The following PIK3C2A variants were observed in gnomAD, a reference collection of about 807,000 sequenced individuals.
PIK3C2A encodes the protein phosphatidylinositol 4-phosphate 3-kinase C2 domain-containing subunit alpha.
In PIK3C2A, 97 loss-of-function variants were observed where a neutral mutation model predicts 204.5. That is an observed-to-expected ratio of 0.47 (90% CI 0.40 to 0.56). PIK3C2A has a LOEUF of 0.56. Among genes scored for constraint, PIK3C2A ranks in the 20% least tolerant of loss-of-function variants. PIK3C2A has a pLI of 0.00. For missense variants in PIK3C2A, 1,735 were observed against 1,969.2 expected (o/e 0.88, Z 2.25); for synonymous variants, 653 against 664.4 (o/e 0.98, Z 0.26).
chr11:17,161,335 T>C (rs1378291694), intron 2 of PIK3C2A, among the ~76,000 whole-genome samples: 1 of 152,222 alleles, frequency 6.6e-6, no homozygotes, highest in Non-Finnish European at 1.5e-5. Flanking sequence ...AGTCAGACTA[T>C]GAAAATCACA....
intron 1 of PIK3C2A, among the ~76,000 whole-genome samples, chr11:17,186,910 C>T (rs1424713930): frequency 1.3e-5 from 2 of 152,154 alleles, no homozygotes; most frequent in African/African-American, 4.8e-5. Flanking sequence ...AAAACCCCAT[C>T]TCTATTAAAA....
intron 8 of PIK3C2A, among the ~76,000 whole-genome samples, chr11:17,141,725 T>A (rs570921492): frequency 1.3e-5 from 2 of 152,314 alleles, no homozygotes; most frequent in African/African-American, 4.8e-5. Context: ...CAAAAGATCA[T>A]TTTGGTTGCC....
At chr11:17,168,265 A>C (rs1174760673) in intron 2 of PIK3C2A, among the ~76,000 whole-genome samples, 1 of 152,210 alleles carries the variant, frequency 6.6e-6, no homozygotes, top group Non-Finnish European at 1.5e-5. Context: ...ACAAAATTCA[A>C]AGTGAAAAAT....
chr11:17,130,750 T>G (rs1301448232), intron 12 of PIK3C2A, among the ~76,000 whole-genome samples: 2 of 137,614 alleles, frequency 1.5e-5, no homozygotes, highest in Non-Finnish European at 3.0e-5. Flanking sequence ...GAGGTTACAG[T>G]GGGCCAAGAT....
At position 17,104,977 on chromosome 11, in the gene PIK3C2A, T is replaced by C. The variant is rs17847724; in HGVS notation, c.3681+192A>G. Among the ~76,000 whole-genome samples the C allele has an allele frequency of 1.0e-3, 158 of 152,256 alleles. 4 individuals carry two copies. In the East Asian group the frequency reaches 0.026, roughly 25 times the overall value. ...AAATTTTTGGGGGTGTAATTTAGCA[T>C]TGGTTTCACTCAGATTCCTGCCATT... On this transcript the variant is annotated intron_variant, in intron 23 of 32. Coordinates refer to ENST00000691414, the MANE Select transcript of PIK3C2A (RefSeq NM_002645.4).
intron 4 of PIK3C2A, among the ~76,000 whole-genome samples, chr11:17,149,692 G>T (rs561565829): frequency 6.6e-6 from 1 of 151,904 alleles, no homozygotes; most frequent in Admixed American, 6.6e-5. Flanking sequence ...CTGCCTGGGT[G>T]GCAGAGTGAG....
At chr11:17,103,433 G>A (rs1409550250) in intron 23 of PIK3C2A, among the ~76,000 whole-genome samples, 1 of 152,064 alleles carries the variant, frequency 6.6e-6, no homozygotes, top group Non-Finnish European at 1.5e-5. Context: ...TTAATCTAAA[G>A]CATGTGTATT....
chr11:17,127,587 G>A (rs962821896), intron 13 of PIK3C2A, among the ~76,000 whole-genome samples: 2 of 152,148 alleles, frequency 1.3e-5, no homozygotes, highest in African/African-American at 2.4e-5. Context: ...GGGATTACAG[G>A]TGTGAGCCAC....
At chr11:17,152,351 GGTTT>G (rs1850448650) in intron 3 of PIK3C2A, among the ~76,000 whole-genome samples, 1 of 151,842 alleles carries the variant, frequency 6.6e-6, no homozygotes, top group African/African-American at 2.4e-5. Context: ...TCTAATCCAT[GGTTT>G]GTTTGCTTTA....
At chr11:17,170,694 C>A (rs547858785) in intron 1 of PIK3C2A, among the ~76,000 whole-genome samples, 3 of 152,194 alleles carry the variant, frequency 2.0e-5, no homozygotes, top group Admixed American at 2.0e-4. Flanking sequence ...TGAAGCAATA[C>A]GACCAACTGA....
intron 8 of PIK3C2A, among the ~76,000 whole-genome samples, chr11:17,142,737 C>T (rs1427332075): frequency 6.6e-6 from 1 of 152,064 alleles, no homozygotes; most frequent in African/African-American, 2.4e-5. Flanking sequence ...TCCATCGATC[C>T]ATCCATCAAC....
chr11:17,165,887 C>T (rs1303308949), intron 2 of PIK3C2A, among the ~76,000 whole-genome samples: 1 of 151,336 alleles, frequency 6.6e-6, no homozygotes, highest in East Asian at 1.9e-4. Flanking sequence ...CTCTCCTTGA[C>T]CTCCAACTTG....
At chr11:17,193,872 GAAAAGAAAA>G (rs1852035045) in intron 1 of PIK3C2A, 1 of 168,710 alleles carries the variant, frequency 5.9e-6, no homozygotes, top group Non-Finnish European at 1.1e-5. Flanking sequence ...GAAAAGAAAA[GAAAAGAAAA>G]GAAAAGAAAA....
At position 17,106,019 on chromosome 11, in the gene PIK3C2A, G is replaced by A. The variant is rs190993952; in HGVS notation, c.3545-714C>T. On this transcript the variant is annotated intron_variant, in intron 22 of 32. Transcript: ENST00000691414. ...AGCTACTCAGGAGGCTGAGGCAGGA[G>A]AATCCCTTGAACCCAGGAGGCAGAG... 2.4e-4 allele frequency among the ~76,000 whole-genome samples: 37 copies of A among 151,964 alleles called. 1 individual carries two copies. Among genetic ancestry groups the A allele is most frequent in the East Asian group, 2.3e-3 (12 of 5,172 alleles).
intron 8 of PIK3C2A, among the ~76,000 whole-genome samples, chr11:17,144,777 T>C (rs1332046720): frequency 6.6e-6 from 1 of 150,540 alleles, no homozygotes; most frequent in Non-Finnish European, 1.5e-5. Context: ...ATGCCTCTAA[T>C]CCCAGCTACT....
At position 17,105,298 on chromosome 11, in the gene PIK3C2A, C is replaced by T; in HGVS notation, c.3552G>A (p.Val1184=). Residue 1184 remains valine (V), a synonymous_variant, in exon 23 of 33, where the codon GTG becomes GTA. Transcript: ENST00000691414. ...CLSTGRDRGM[V]ELVPASDTLR... is the part of the protein sequence containing the mutation. ...GGGTATCGGAAGCAGGAACCAGCTC[C>T]ACCATGCCTTTAATGATAAAATATT... The T allele has an allele frequency of 6.2e-7, 1 of 1,607,516 alleles. No individual in the cohort carries two copies. Among genetic ancestry groups the T allele is most frequent in the South Asian group, 1.1e-5 (1 of 89,764 alleles).
intron 1 of PIK3C2A, among the ~76,000 whole-genome samples, chr11:17,183,350 T>G (rs1477881137): frequency 6.6e-6 from 1 of 152,206 alleles, no homozygotes; most frequent in East Asian, 1.9e-4. Flanking sequence ...TTATTACTTA[T>G]TGTTATTCTC....
At chr11:17,172,583 T>C (rs1241033781) in intron 1 of PIK3C2A, among the ~76,000 whole-genome samples, 1 of 152,222 alleles carries the variant, frequency 6.6e-6, no homozygotes, top group Middle Eastern at 3.2e-3. Context: ...ATAAACTTTT[T>C]CTTATTAGTT....
intron 3 of PIK3C2A, among the ~76,000 whole-genome samples, chr11:17,155,079 A>C (rs760226159): frequency 7.6e-4 from 116 of 152,346 alleles, no homozygotes; most frequent in Non-Finnish European, 1.5e-3. Flanking sequence ...TTTAAGATTG[A>C]GAGAACATTC....
Sources: gnomAD v4.1 joint callset for allele counts (sites outside exome capture counted in the v4.1 genomes callset) on GRCh38, gnomAD v4.1.1 for gene constraint, MANE v1.5 for transcripts, NCBI Gene and HGNC (gene_info 2026-07-23, HGNC 2026-07-21) for gene names.